DLG2: variants seen among roughly 807,000 people sequenced by gnomAD.
The protein encoded by DLG2 is disks large homolog 2.
A neutral mutation model predicts 132.5 loss-of-function variants in DLG2; 45 were observed. The observed-to-expected ratio is 0.34, with a 90% CI of 0.27 to 0.44. DLG2 has a LOEUF of 0.44. Ranked by LOEUF, DLG2 falls within the 20% of genes least tolerant of loss-of-function variation. DLG2 has a pLI of 1.00. For missense variants in DLG2, 1,045 were observed against 1,196.9 expected (o/e 0.87, Z 1.87); for synonymous variants, 424 against 419.6 (o/e 1.01, Z -0.13).
At chr11:85,418,646 T>A (rs2090055314) in intron 3 of DLG2, among the ~76,000 whole-genome samples, 1 of 152,230 alleles carries the variant, frequency 6.6e-6, no homozygotes, top group South Asian at 2.1e-4. Context: ...TGTATATATA[T>A]TTAGGATAGT....
At chr11:85,522,686 T>A (rs2074410577) in intron 3 of DLG2, among the ~76,000 whole-genome samples, 1 of 152,162 alleles carries the variant, frequency 6.6e-6, no homozygotes, top group Non-Finnish European at 1.5e-5. Context: ...TCAAAGGAGA[T>A]CACTGTGGAA....
intron 8 of DLG2, among the ~76,000 whole-genome samples, chr11:84,247,030 A>G (rs767523256): frequency 6.6e-6 from 1 of 152,194 alleles, no homozygotes; most frequent in Non-Finnish European, 1.5e-5. Flanking sequence ...ATATTTAACA[A>G]GATGGAAAAC....
chr11:84,575,025 C>G (rs1312785446), intron 6 of DLG2, among the ~76,000 whole-genome samples: 1 of 152,172 alleles, frequency 6.6e-6, no homozygotes, highest in African/African-American at 2.4e-5. Context: ...GCATCGTCAG[C>G]TCTCTGCTAA....
intron 6 of DLG2, among the ~76,000 whole-genome samples, chr11:84,885,637 C>A (rs1432306054): frequency 2.0e-5 from 3 of 152,052 alleles, no homozygotes; most frequent in Non-Finnish European, 4.4e-5. Context: ...GTTTTCATAC[C>A]TGCAAAATGG....
intron 10 of DLG2, among the ~76,000 whole-genome samples, chr11:84,084,973 C>T (rs929530219): frequency 6.6e-6 from 1 of 152,136 alleles, no homozygotes; most frequent in South Asian, 2.1e-4. Context: ...ATAGTGAGGT[C>T]TCTTTTCCTC....
At chr11:84,116,581 G>A (rs2093644551) in intron 9 of DLG2, among the ~76,000 whole-genome samples, 2 of 152,086 alleles carry the variant, frequency 1.3e-5, no homozygotes, top group East Asian at 3.9e-4. Context: ...AGAACGACAT[G>A]GGAGAAACCT....
chr11:85,539,526 G>A (rs552357543), intron 3 of DLG2, among the ~76,000 whole-genome samples: 2 of 152,288 alleles, frequency 1.3e-5, no homozygotes, highest in African/African-American at 4.8e-5. Flanking sequence ...CTGCTAATGG[G>A]TATGAGCTTT....
intron 8 of DLG2, among the ~76,000 whole-genome samples, chr11:84,233,834 C>T (rs1227960985): frequency 1.3e-5 from 2 of 152,200 alleles, no homozygotes; most frequent in Admixed American, 6.5e-5. Context: ...TGTGCGTCTG[C>T]ATCCTTGTCA....
At chr11:83,474,070 C>T (rs558840225) in intron 22 of DLG2, among the ~76,000 whole-genome samples, 173 of 152,112 alleles carry the variant, frequency 1.1e-3, no homozygotes, top group African/African-American at 3.7e-3. Context: ...AATGGCGCCA[C>T]CATGCCAAGC....
At chr11:85,168,307 T>G (rs2078605371) in intron 4 of DLG2, among the ~76,000 whole-genome samples, 1 of 152,164 alleles carries the variant, frequency 6.6e-6, no homozygotes, top group Admixed American at 6.6e-5. Context: ...CAACAGAGGT[T>G]CAGTTCAATA....
At chr11:83,861,762 G>GT (rs1298232150) in intron 16 of DLG2, among the ~76,000 whole-genome samples, 1 of 152,080 alleles carries the variant, frequency 6.6e-6, no homozygotes, top group Non-Finnish European at 1.5e-5. Flanking sequence ...AGGTGGGATG[G>GT]TTAATGGGTA....
At chr11:85,512,641 A>G (rs2153161175) in intron 3 of DLG2, among the ~76,000 whole-genome samples, 1 of 152,218 alleles carries the variant, frequency 6.6e-6, no homozygotes, top group Non-Finnish European at 1.5e-5. Flanking sequence ...TACATGTCAT[A>G]CTAATACAAC....
intron 6 of DLG2, among the ~76,000 whole-genome samples, chr11:84,919,376 A>C (rs930582742): frequency 1.5e-4 from 23 of 152,334 alleles, no homozygotes; most frequent in African/African-American, 4.6e-4. Flanking sequence ...AATCCCAAAA[A>C]TCCATGCTTT....
At chr11:85,214,318 C>T (rs2082439040) in intron 4 of DLG2, among the ~76,000 whole-genome samples, 1 of 152,152 alleles carries the variant, frequency 6.6e-6, no homozygotes, top group Admixed American at 6.6e-5. Context: ...CATTGCTTGA[C>T]ACTATTTCAA....
In DLG2 at chr11:85,068,764, C is replaced by T. The variant is rs537144907; in HGVS notation, c.357+42897G>A. Among the ~76,000 whole-genome samples, 468 of 152,254 alleles carry T rather than the reference C, an allele frequency of 3.1e-3. 1 individual carries two copies. The highest frequency in any genetic ancestry group is 5.1e-3 in the Non-Finnish European group (347 of 68,014). On this transcript the variant is annotated intron_variant, in intron 6 of 27. Coordinates refer to ENST00000376104, the MANE Select transcript of DLG2 (RefSeq NM_001142699.3). ...CAGATTCAATGCCATCCCCATCAAG[C>T]TACCAATGACTTTCTTCACAGAATT...
At chr11:83,691,481 G>C (rs578071106) in intron 18 of DLG2, among the ~76,000 whole-genome samples, 19 of 152,302 alleles carry the variant, frequency 1.2e-4, no homozygotes, top group African/African-American at 4.1e-4. Context: ...CCCTGCGTAT[G>C]AGGCTCTGCT....
chr11:84,402,997 T>TGAGAA, intron 7 of DLG2, among the ~76,000 whole-genome samples: 1 of 109,764 alleles, frequency 9.1e-6, no homozygotes, highest in African/African-American at 4.8e-5. Context: ...ACTCCAATTC[T>TGAGAA]CTCTCTCTCT....
chr11:84,511,930 C>T (rs1269614270), intron 7 of DLG2, among the ~76,000 whole-genome samples: 1 of 152,100 alleles, frequency 6.6e-6, no homozygotes, highest in African/African-American at 2.4e-5. Context: ...CTCACAACAA[C>T]CCTTTGAGGT....
intron 6 of DLG2, among the ~76,000 whole-genome samples, chr11:84,802,738 T>C (rs541555113): frequency 6.6e-6 from 1 of 152,158 alleles, no homozygotes; most frequent in South Asian, 2.1e-4. Context: ...TGTTCTGTGT[T>C]AGGGGGGATG....
Sources: gnomAD v4.1 joint callset for allele counts (sites outside exome capture counted in the v4.1 genomes callset) on GRCh38, gnomAD v4.1.1 for gene constraint, MANE v1.5 for transcripts, NCBI Gene and HGNC (gene_info 2026-07-23, HGNC 2026-07-21) for gene names.